Variants in GOLGB1 observed in about 807,000 individuals in gnomAD.
GOLGB1 encodes the protein golgin subfamily B member 1.
A neutral mutation model predicts 336.9 loss-of-function variants in GOLGB1; 174 were observed. The observed-to-expected ratio is 0.52, with a 90% CI of 0.46 to 0.59. The LOEUF (loss-of-function observed/expected upper bound fraction) is 0.59, where lower values mean the gene tolerates loss of function less well. Among genes scored for constraint, GOLGB1 ranks in the 20% least tolerant of loss-of-function variants. The pLI, the probability that GOLGB1 is intolerant of heterozygous loss-of-function variation, is 0.00. For missense variants in GOLGB1, 3,331 were observed against 3,645.3 expected, an observed-to-expected ratio of 0.91 and a Z score of 2.22; for synonymous variants, 1,208 against 1,289.2, an observed-to-expected ratio of 0.94 and a Z score of 1.35.
chr3:121,686,815 C>T (rs1018053396), intron 14 of GOLGB1, among the ~76,000 whole-genome samples: 1 of 152,028 alleles, frequency 6.6e-6, no homozygotes, highest in African/African-American at 2.4e-5. Context: ...GAAATAGACA[C>T]TCAAAAAAGG....
At chr3:121,734,405 A>C (rs933856448) in intron 1 of GOLGB1, among the ~76,000 whole-genome samples, 12 of 151,744 alleles carry the variant, frequency 7.9e-5, no homozygotes, top group Admixed American at 7.9e-4. Flanking sequence ...AAAAAAAAAA[A>C]AAAAAACAAG....
intron 5 of GOLGB1, among the ~76,000 whole-genome samples, chr3:121,725,881 G>A (rs556150455): frequency 6.8e-4 from 104 of 151,968 alleles, no homozygotes; most frequent in African/African-American, 2.2e-3. Context: ...GATGACTTGC[G>A]CTGCCTTGCG....
chr3:121,721,054 A>C (rs1257155372), intron 6 of GOLGB1, among the ~76,000 whole-genome samples: 1 of 152,176 alleles, frequency 6.6e-6, no homozygotes, highest in Non-Finnish European at 1.5e-5. Flanking sequence ...CATATTTTGT[A>C]TTTCTTCATC....
intron 14 of GOLGB1, among the ~76,000 whole-genome samples, chr3:121,688,893 G>C (rs1942088367): frequency 6.6e-6 from 1 of 151,230 alleles, no homozygotes; most frequent in Non-Finnish European, 1.5e-5. Context: ...TGAGAAGTGA[G>C]GAGACCCTCC....
Position 121,719,720 on chromosome 3 carries a change from T to C in GOLGB1, c.697A>G (p.Thr233Ala), listed in dbSNP as rs1475460099. Residue 233 changes from threonine to alanine, a missense_variant, in exon 7 of 22, where the codon ACA becomes GCA. Coordinates refer to ENST00000614479, the MANE Select transcript of GOLGB1 (RefSeq NM_001366282.2). ...TCATCTTCATGAAGACGAACTTGTG[T>C]TTCAAAGCGGGCATCTTTCTCTCGG... ...VVREKDARFE[T>A]QVRLHEDELL... 1 of 1,610,226 alleles carries C rather than the reference T, an allele frequency of 6.2e-7. No individual in the cohort carries two copies. Among genetic ancestry groups the C allele is most frequent in the Non-Finnish European group, 8.5e-7 (1 of 1,178,130 alleles).
intron 10 of GOLGB1, among the ~76,000 whole-genome samples, chr3:121,710,494 A>T (rs1362749436): frequency 6.6e-6 from 1 of 152,240 alleles, no homozygotes; most frequent in Non-Finnish European, 1.5e-5. Context: ...TTAACTCTTG[A>T]ATATGGGTTT....
At chr3:121,692,988 G>C (rs1007120400) in intron 13 of GOLGB1, among the ~76,000 whole-genome samples, 1 of 152,154 alleles carries the variant, frequency 6.6e-6, no homozygotes, top group Non-Finnish European at 1.5e-5. Flanking sequence ...CCTATTGGAA[G>C]TAAGGAATAC....
Position 121,700,544 on chromosome 3 carries a change from T to TA in GOLGB1, c.1520-660_1520-659insT, listed in dbSNP as rs538242888. Among the ~76,000 whole-genome samples the TA allele has an allele frequency of 2.1e-3, 317 of 152,142 alleles. 4 individuals carry two copies. Among genetic ancestry groups the TA allele is most frequent in the Non-Finnish European group, 3.8e-4 (26 of 67,942 alleles). On this transcript the variant is annotated intron_variant, in intron 11 of 21. Transcript: ENST00000614479. ...ACACCAAAGGAAAAAAATATATATATTTTTTACACTGTATCCAAATGTCTT... is the reference window on the plus strand; with the variant it reads ...ACACCAAAGGAAAAAAATATATATATATTTTTACACTGTATCCAAATGTCTT...
chr3:121,681,872 C>A lies in GOLGB1; in HGVS notation c.8695-7G>T. ...GATTCTTCAATTCCTTCAGCTTTAA[C>A]CAAAGGGAAAGTAAAATGATTATTT... On this transcript the variant is annotated splice_polypyrimidine_tract_variant and splice_region_variant and intron_variant, in intron 14 of 21. Transcript: ENST00000614479. 6.3e-7 allele frequency: 1 copy of A among 1,579,922 alleles called. No individual in the cohort carries two copies. The highest frequency in any genetic ancestry group is 2.2e-5 in the East Asian group (1 of 44,674).
At chr3:121,669,692 A>T (rs1003185484) in intron 17 of GOLGB1, among the ~76,000 whole-genome samples, 20 of 152,312 alleles carry the variant, frequency 1.3e-4, no homozygotes, top group Middle Eastern at 3.4e-3. Context: ...GGGAGAAGGC[A>T]GTACCTCAGG....
At chr3:121,664,677 T>C in intron 21 of GOLGB1, 63 bp from the exon 22 acceptor site, 2 of 1,496,968 alleles carry the variant, frequency 1.3e-6, no homozygotes, top group East Asian at 4.5e-5. Flanking sequence ...CTTTCCCTCC[T>C]ACTAGTCTTG....
At chr3:121,733,175 T>C (rs963712406) in intron 1 of GOLGB1, among the ~76,000 whole-genome samples, 2 of 150,962 alleles carry the variant, frequency 1.3e-5, no homozygotes, top group African/African-American at 4.9e-5. Flanking sequence ...TACAAAAAAT[T>C]AGCCGGGTGT....
chr3:121,692,096 G>C lies in GOLGB1; in HGVS notation c.7268C>G (p.Ser2423Cys). Residue 2423 changes from serine to cysteine, a missense_variant, in exon 14 of 22, where the codon TCC becomes TGC. By Grantham distance (112) the Ser-to-Cys change is moderately radical. Transcript: ENST00000614479. ...AACAATATTCTCCTCTTCCTCCTGG[G>C]ACAGCAGGTTTTCCAGCTCTTTAAT... ...KEIKELENLL[S>C]QEEEENIVLE... 6.2e-7 allele frequency: 1 copy of C among 1,613,362 alleles called. No homozygotes were observed. Among genetic ancestry groups the C allele is most frequent in the East Asian group, 2.2e-5 (1 of 44,876 alleles).
In GOLGB1 at chr3:121,694,534, C is replaced by A. The variant is rs764343920; in HGVS notation, c.5989G>T (p.Glu1997Ter). 1 of 1,612,644 alleles carries A rather than the reference C, an allele frequency of 6.2e-7. No homozygotes were observed. Among genetic ancestry groups the A allele is most frequent in the Non-Finnish European group, 8.5e-7 (1 of 1,179,876 alleles). The change falls in exon 13 of 22, where the codon GAG becomes TAG. Residue 1997 changes from glutamate to a stop codon, truncating the protein, a stop_gained. Transcript: ENST00000614479. LOFTEE classifies it high-confidence loss of function. ...TCTTTCTGAGCACCTTGTATTTTCTCCAAATATTCCTTTCGTATTTCTGAT... is the reference window on the plus strand; with the variant it reads ...TCTTTCTGAGCACCTTGTATTTTCTACAAATATTCCTTTCGTATTTCTGAT... Reference protein sequence around the residue: ...VESEIRKEYLEKIQGAQKEPG... With the variant: ...VESEIRKEYL
In GOLGB1 at chr3:121,691,984, T is replaced by C; in HGVS notation, c.7380A>G (p.Gln2460=). Residue 2460 remains glutamine (Q), a synonymous_variant, in exon 14 of 22, where the codon CAA becomes CAG. Coordinates refer to ENST00000614479, the MANE Select transcript of GOLGB1 (RefSeq NM_001366282.2). ...LKTIKKENIQ[Q]KAQLDSFVKS... ...TAACAAAGGAATCCAACTGTGCCTT[T>C]TGCTGAATGTTTTCCTTTTTGATGG... 1 of 1,613,976 alleles carries C rather than the reference T, an allele frequency of 6.2e-7. No homozygotes were observed. The highest frequency in any genetic ancestry group is 8.5e-7 in the Non-Finnish European group (1 of 1,179,922).
At chr3:121,681,907 C>T (rs1941114420) in intron 14 of GOLGB1, 42 bp from the exon 15 acceptor site, 1 of 1,363,154 alleles carries the variant, frequency 7.3e-7, no homozygotes. Context: ...TGTCACATCT[C>T]ATTCATCTAA....
intron 1 of GOLGB1, among the ~76,000 whole-genome samples, chr3:121,747,294 T>C (rs1285968962): frequency 7.0e-6 from 1 of 143,320 alleles, no homozygotes; most frequent in Non-Finnish European, 1.5e-5. Context: ...TGTATATATA[T>C]GTGTATATAT....
chr3:121,721,291 T>C (rs549214022), intron 6 of GOLGB1, among the ~76,000 whole-genome samples: 1 of 151,884 alleles, frequency 6.6e-6, no homozygotes, highest in South Asian at 2.1e-4. Context: ...CAAAGGTACT[T>C]CAGGGAAAAA....
rs1411359047 is a variant in GOLGB1 at position 121,690,724 on chromosome 3, T to G, written c.8640A>C (p.Glu2880Asp). Reference protein sequence around the residue: ...SAAQPSTSPAEVQSLKKAMSS... With the variant: ...SAAQPSTSPADVQSLKKAMSS... Reference sequence around the variant, plus strand: ...ACATAGCTTTTTTTAAACTCTGTACTTCAGCTGGGCTGGTGGAAGGCTGAG... The same window carrying G: ...ACATAGCTTTTTTTAAACTCTGTACGTCAGCTGGGCTGGTGGAAGGCTGAG... The change falls in exon 14 of 22, where the codon GAA becomes GAC. Residue 2880 changes from glutamate to aspartate, a missense_variant. Physicochemically the swap from Glu to Asp is conservative, Grantham distance 45. Coordinates refer to ENST00000614479, the MANE Select transcript of GOLGB1 (RefSeq NM_001366282.2). 1.5e-5 allele frequency: 23 copies of G among 1,538,928 alleles called. No individual in the cohort carries two copies. The highest frequency in any genetic ancestry group is 1.9e-5 in the Non-Finnish European group (22 of 1,149,384).
Sources: gnomAD v4.1 joint callset for allele counts (sites outside exome capture counted in the v4.1 genomes callset) on GRCh38, gnomAD v4.1.1 for gene constraint, MANE v1.5 for transcripts, NCBI Gene and HGNC (gene_info 2026-07-23, HGNC 2026-07-21) for gene names.